ACTR3C: variants seen among roughly 807,000 people sequenced by gnomAD.
The protein encoded by ACTR3C is actin related protein 3C.
A neutral mutation model predicts 26.3 loss-of-function variants in ACTR3C; 18 were observed. That is an observed-to-expected ratio of 0.68 (90% CI 0.47 to 1.01). ACTR3C has a LOEUF of 1.01. ACTR3C is among the 50% of genes least tolerant of loss of function. The pLI is 0.00. For missense variants in ACTR3C, 184 were observed against 250.7 expected, an observed-to-expected ratio of 0.73 and a Z score of 1.80; for synonymous variants, 55 against 94.5, an observed-to-expected ratio of 0.58 and a Z score of 2.42.
At chr7:149,961,101 A>G in the ACTR3C span, among the ~76,000 whole-genome samples, 1 of 150,536 alleles carries the variant, frequency 6.6e-6, no homozygotes, top group Non-Finnish European at 1.5e-5. Context: ...CAGGAAGTGT[A>G]CAGTCACAGG....
At chr7:150,163,352 TTGTGTGTGTGTGTATATATATATA>T in the ACTR3C span, among the ~76,000 whole-genome samples, 1 of 135,376 alleles carries the variant, frequency 7.4e-6, no homozygotes, top group African/African-American at 3.2e-5. Context: ...ACATATATCC[TTGTGTGTGTGTGTATATATATATA>T]TGTGTGTATG....
At chr7:150,179,985 T>C in the ACTR3C span, among the ~76,000 whole-genome samples, 1 of 151,200 alleles carries the variant, frequency 6.6e-6, no homozygotes, top group Non-Finnish European at 1.5e-5. Flanking sequence ...ATCAAATTAC[T>C]TTTTTCAAGA....
the ACTR3C span, chr7:150,074,311 C>G: frequency 3.3e-4 from 50 of 151,986 alleles, 1 homozygote; most frequent in Admixed American, 3.3e-3. Context: ...TATATTACAG[C>G]AAAAGGATAT....
At chr7:150,256,231 C>T (rs1250720313) in intron 6 of ACTR3C, among the ~76,000 whole-genome samples, 2 of 152,364 alleles carry the variant, frequency 1.3e-5, no homozygotes, top group Non-Finnish European at 2.9e-5. Context: ...CTGCAATGAA[C>T]ATATAGGTAC....
the ACTR3C span, among the ~76,000 whole-genome samples, chr7:150,184,820 G>T: frequency 6.8e-6 from 1 of 146,090 alleles, no homozygotes; most frequent in African/African-American, 2.8e-5. Context: ...TTTGTTCAAG[G>T]CCACTGCTCT....
At chr7:150,260,168 G>A (rs992889317) in intron 6 of ACTR3C, among the ~76,000 whole-genome samples, 3 of 152,128 alleles carry the variant, frequency 2.0e-5, no homozygotes, top group African/African-American at 7.2e-5. Flanking sequence ...CTGCAAAATC[G>A]AAAATATTTA....
At chr7:150,037,134 C>A in the ACTR3C span, among the ~76,000 whole-genome samples, 1 of 79,448 alleles carries the variant, frequency 1.3e-5, no homozygotes, top group African/African-American at 4.6e-5. Context: ...GGCTCTCAGT[C>A]CCTGCCTCGT....
chr7:150,165,882 A>G, the ACTR3C span, among the ~76,000 whole-genome samples: 1 of 151,524 alleles, frequency 6.6e-6, no homozygotes, highest in Non-Finnish European at 1.5e-5. Context: ...GAGACCTGAC[A>G]TAGAATTTAT....
At chr7:150,166,040 T>C in the ACTR3C span, among the ~76,000 whole-genome samples, 1 of 151,608 alleles carries the variant, frequency 6.6e-6, no homozygotes, top group Non-Finnish European at 1.5e-5. Flanking sequence ...AACTAGAACA[T>C]TGTCTAAAAA....
At chr7:150,006,097 G>T in the ACTR3C span, among the ~76,000 whole-genome samples, 1 of 152,058 alleles carries the variant, frequency 6.6e-6, no homozygotes, top group East Asian at 1.9e-4. Context: ...CTGATCACAG[G>T]CTCTGTTTCT....
chr7:150,192,709 C>A, the ACTR3C span, among the ~76,000 whole-genome samples: 1 of 152,176 alleles, frequency 6.6e-6, no homozygotes. Context: ...TAATTGATAA[C>A]CTTAGGTCAC....
At chr7:150,193,133 C>T in the ACTR3C span, among the ~76,000 whole-genome samples, 85 of 152,188 alleles carry the variant, frequency 5.6e-4, no homozygotes, top group Non-Finnish European at 9.8e-4. Flanking sequence ...TCCAGTAAGC[C>T]TTTACTAAAT....
the ACTR3C span, among the ~76,000 whole-genome samples, chr7:150,079,417 G>C: frequency 2.0e-5 from 3 of 152,178 alleles, no homozygotes; most frequent in Admixed American, 2.0e-4. Flanking sequence ...GAGGTGCATG[G>C]GTGATCAATG....
At chr7:150,323,277 C>T (rs1266607685) in intron 1 of ACTR3C, 192 bp downstream of exon 1, 1 of 248,194 alleles carries the variant, frequency 4.0e-6, no homozygotes, top group Non-Finnish European at 8.0e-6. Context: ...GCTGCGCTTC[C>T]GGAAGTAACC....
chr7:150,156,515 T>C, the ACTR3C span, among the ~76,000 whole-genome samples: 2 of 151,260 alleles, frequency 1.3e-5, no homozygotes, highest in Non-Finnish European at 2.9e-5. Context: ...GCATGTGCCA[T>C]AGAATAGGTA....
chr7:150,315,008 AAAT>A (rs1248186803), intron 1 of ACTR3C, among the ~76,000 whole-genome samples: 2 of 147,036 alleles, frequency 1.4e-5, no homozygotes, highest in East Asian at 1.9e-4. Flanking sequence ...AAATATTATT[AAAT>A]AATAAAATAA....
the ACTR3C span, among the ~76,000 whole-genome samples, chr7:149,995,584 A>G: frequency 3.3e-5 from 5 of 152,400 alleles, no homozygotes; most frequent in East Asian, 7.7e-4. Context: ...TTGTTGTGGT[A>G]GAATTAAGCA....
chr7:150,055,007 A>G, the ACTR3C span, among the ~76,000 whole-genome samples: 2 of 152,362 alleles, frequency 1.3e-5, no homozygotes, highest in East Asian at 3.9e-4. Context: ...CATTTGGAGC[A>G]CTGCTAGTCT....
the ACTR3C span, among the ~76,000 whole-genome samples, chr7:149,955,892 A>G: frequency 6.6e-6 from 1 of 152,100 alleles, no homozygotes; most frequent in South Asian, 2.1e-4. Context: ...AAAAGACAAA[A>G]TGGTCCCCAA....
Sources: allele counts gnomAD v4.1 joint callset (sites outside exome capture counted in the v4.1 genomes callset), GRCh38; gene constraint gnomAD v4.1.1; transcripts MANE v1.5; gene names NCBI Gene and HGNC (gene_info 2026-07-23, HGNC 2026-07-21).